The following HAGHL variants were observed in gnomAD, a reference collection of about 807,000 sequenced individuals.
HAGHL encodes hydroxyacylglutathione hydrolase like.
A neutral mutation model predicts 29.2 loss-of-function variants in HAGHL; 27 were observed. That is an observed-to-expected ratio of 0.92 (90% CI 0.68 to 1.27). HAGHL has a LOEUF of 1.27. Ranked by LOEUF, HAGHL falls within the 50% of genes most tolerant of loss-of-function variation. HAGHL has a pLI of 0.00. For missense variants in HAGHL, 529 were observed against 405.5 expected, an observed-to-expected ratio of 1.30 and a Z score of -2.62; for synonymous variants, 223 against 185.7, an observed-to-expected ratio of 1.20 and a Z score of -1.63.
chr16:728,408 AC>A lies in HAGHL; in HGVS notation c.384del (p.Ala129ProfsTer64). On this transcript the variant is annotated frameshift_variant, in exon 4 of 8. Transcript: ENST00000389703. LOFTEE classifies it high-confidence loss of function. ...TGTGGGAGGACGATTGCCCGGACCC[AC>A]CCGCCCTGTTCTCGGGTACCCGCAG... ...FLWEDDCPDP[P>X]ALFSGDALSV... 1 of 958,450 alleles carries A rather than the reference AC, an allele frequency of 1.0e-6. No homozygotes were observed. The highest frequency in any genetic ancestry group is 1.4e-6 in the Non-Finnish European group (1 of 707,026). 59.4% of individuals were successfully genotyped at this position (958,450 alleles called of 1,614,324 possible). A position where few individuals can be genotyped will look rare whatever the true frequency, so the allele number is the denominator to read the frequency against.
In HAGHL at chr16:729,285, C is replaced by A; in HGVS notation, c.681-3C>A. 1 of 1,521,100 alleles carries A rather than the reference C, an allele frequency of 6.6e-7. No homozygotes were observed. Among genetic ancestry groups the A allele is most frequent in the Admixed American group, 2.2e-5 (1 of 45,232 alleles). The allele number at this position is 1,521,100 out of a possible 1,614,324, so 94.2% of individuals were successfully genotyped here. A position where few individuals can be genotyped will look rare whatever the true frequency, so the allele number is the denominator to read the frequency against. On this transcript the variant is annotated splice_polypyrimidine_tract_variant and splice_region_variant and intron_variant, in intron 7 of 7. Coordinates refer to ENST00000389703, the MANE Select transcript of HAGHL (RefSeq NM_032304.4). ...CTGCGCCTCACTGCACCCCTCCCTGCAGAGAGGAGCCGGTGCGCAAGTTCA... is the reference window on the plus strand; with the variant it reads ...CTGCGCCTCACTGCACCCCTCCCTGAAGAGAGGAGCCGGTGCGCAAGTTCA...
chr16:727,725 G>T, intron 1 of HAGHL, 111 bp downstream of exon 1: 2 of 771,014 alleles, frequency 2.6e-6, no homozygotes, highest in South Asian at 1.7e-5. Flanking sequence ...AGTCATTGGC[G>T]GCTGGGGTTC....
Position 728,488 on chromosome 16 carries a change from C to T in HAGHL, c.398-16C>T. On this transcript the variant is annotated splice_polypyrimidine_tract_variant and intron_variant, in intron 4 of 7. Transcript: ENST00000389703. ...CGGCCCCGCCCCATCTGCTCTGACC[C>T]GCCCTCCCCCGCCAGGCGACGCGCT... is the stretch of plus-strand genomic sequence containing the variant. The T allele has an allele frequency of 6.6e-7, 1 of 1,523,070 alleles. No homozygotes were observed. The highest frequency in any genetic ancestry group is 8.8e-7 in the Non-Finnish European group (1 of 1,136,974). The allele number at this position is 1,523,070 out of a possible 1,614,324, so 94.3% of individuals were successfully genotyped here.
chr16:728,160 G>C lies in HAGHL; in HGVS notation c.215G>C (p.Gly72Ala). 6.8e-7 allele frequency: 1 copy of C among 1,469,196 alleles called. No individual in the cohort carries two copies. The highest frequency in any genetic ancestry group is 8.9e-7 in the Non-Finnish European group (1 of 1,119,006). The allele number at this position is 1,469,196 out of a possible 1,614,324, so 91.0% of individuals were successfully genotyped here. A position where few individuals can be genotyped will look rare whatever the true frequency, so the allele number is the denominator to read the frequency against. The change falls in exon 3 of 8, where the codon GGG (glycine) becomes GCG (alanine). Residue 72 changes from glycine to alanine, a missense_variant. Transcript: ENST00000389703. ...GNPELARLRPGLAVLGADERI... is the reference protein window; with the variant it reads ...GNPELARLRPALAVLGADERI... The stretch of plus-strand genomic sequence containing the variant: ...CCGGAGCTGGCGCGGCTTCGTCCCG[G>C]GCTGGCGGTGCTGGGCGCGGACGAG...
rs1227770871 is a variant in HAGHL at position 729,351 on chromosome 16, C to T, written c.744C>T (p.Cys248=). The T allele has an allele frequency of 4.6e-6, 7 of 1,533,380 alleles. No homozygotes were observed. Among genetic ancestry groups the T allele is most frequent in the Non-Finnish European group, 5.3e-6 (6 of 1,141,252 alleles). The allele number at this position is 1,533,380 out of a possible 1,614,324, so 95.0% of individuals were successfully genotyped here. Residue 248 remains cysteine, a synonymous_variant, in exon 8 of 8, where the codon TGC becomes TGT. Coordinates refer to ENST00000389703, the MANE Select transcript of HAGHL (RefSeq NM_032304.4). ...AVPADVLEAL[C]KERARFEQAG... Reference sequence around the variant, plus strand: ...CCGCCGACGTCCTGGAGGCGCTATGCAAGGAGCGGGCGCGCTTCGAACAGG... The same window carrying T: ...CCGCCGACGTCCTGGAGGCGCTATGTAAGGAGCGGGCGCGCTTCGAACAGG...
chr16:728,108 G>A lies in HAGHL; in HGVS notation c.171-8G>A. 2 of 1,459,602 alleles carry A rather than the reference G, an allele frequency of 1.4e-6. No homozygotes were observed. Among genetic ancestry groups the A allele is most frequent in the Admixed American group, 2.6e-5 (1 of 37,864 alleles). 90.4% of individuals were successfully genotyped at this position (1,459,602 alleles called of 1,614,324 possible). ...GACCTAACCCGGCCCCCGCCCGCCC[G>A]CCCGCAGGGACCACGCGCGGGGAAA... On this transcript the variant is annotated splice_region_variant and splice_polypyrimidine_tract_variant and intron_variant, in intron 2 of 7. Transcript: ENST00000389703.
chr16:727,804 G>A, intron 1 of HAGHL, 161 bp from the exon 2 acceptor site: 1 of 801,542 alleles, frequency 1.2e-6, no homozygotes, highest in East Asian at 2.8e-5. Flanking sequence ...CTGCCTGGCG[G>A]TCCCTGCACG....
Position 729,308 on chromosome 16 carries a change from T to C in HAGHL, c.701T>C (p.Phe234Ser). 1 of 1,531,376 alleles carries C rather than the reference T, an allele frequency of 6.5e-7. No homozygotes were observed. The highest frequency in any genetic ancestry group is 8.8e-7 in the Non-Finnish European group (1 of 1,139,724). The allele number at this position is 1,531,376 out of a possible 1,614,324, so 94.9% of individuals were successfully genotyped here. ...LRVAEEPVRKFTGKAVPADVL... is the reference protein window; with the variant it reads ...LRVAEEPVRKSTGKAVPADVL... ...TGCAGAGAGGAGCCGGTGCGCAAGT[T>C]CACGGGCAAGGCGGTCCCCGCCGAC... Residue 234 changes from phenylalanine to serine, a missense_variant, in exon 8 of 8, where the codon TTC (phenylalanine) becomes TCC (serine). Phe to Ser is a radical substitution (Grantham distance 155). Coordinates refer to ENST00000389703, the MANE Select transcript of HAGHL (RefSeq NM_032304.4).
chr16:728,644 C>A, intron 5 of HAGHL, 40 bp downstream of exon 5: 1 of 1,313,372 alleles, frequency 7.6e-7, no homozygotes, highest in Non-Finnish European at 1.0e-6. Context: ...CCCGTGGGCA[C>A]AGCCCCCACG....
Position 729,311 on chromosome 16 carries a change from C to T in HAGHL, c.704C>T (p.Thr235Met), listed in dbSNP as rs2041232005. ...RVAEEPVRKFTGKAVPADVLE... is the reference protein window; with the variant it reads ...RVAEEPVRKFMGKAVPADVLE... Reference sequence around the variant, plus strand: ...AGAGAGGAGCCGGTGCGCAAGTTCACGGGCAAGGCGGTCCCCGCCGACGTC... The same window carrying T: ...AGAGAGGAGCCGGTGCGCAAGTTCATGGGCAAGGCGGTCCCCGCCGACGTC... Residue 235 changes from threonine to methionine, a missense_variant, in exon 8 of 8, where the codon ACG (threonine) becomes ATG (methionine). Coordinates refer to ENST00000389703, the MANE Select transcript of HAGHL (RefSeq NM_032304.4). The T allele has an allele frequency of 6.5e-7, 1 of 1,529,176 alleles. No individual in the cohort carries two copies. Among genetic ancestry groups the T allele is most frequent in the Non-Finnish European group, 8.8e-7 (1 of 1,138,676 alleles). The allele number at this position is 1,529,176 out of a possible 1,614,324, so 94.7% of individuals were successfully genotyped here.
intron 7 of HAGHL, 24 bp from the exon 8 acceptor site, chr16:729,264 G>A (rs2041230233): frequency 6.6e-7 from 1 of 1,518,700 alleles, no homozygotes; most frequent in Non-Finnish European, 8.8e-7. Context: ...CGGGCCCTGC[G>A]CCTCACTGCA....
In HAGHL at chr16:729,587, G is replaced by A. The variant is rs1215184355; in HGVS notation, c.*131G>A. On this transcript the variant is annotated 3_prime_UTR_variant, in exon 8 of 8. Coordinates refer to ENST00000389703, the MANE Select transcript of HAGHL (RefSeq NM_032304.4). ...AGCCATCTGCCCAGCCTCGGAGGGTGGGCAACCTGGTGCTTCCCGGGTGGA... is the reference window on the plus strand; with the variant it reads ...AGCCATCTGCCCAGCCTCGGAGGGTAGGCAACCTGGTGCTTCCCGGGTGGA... 4 of 1,530,852 alleles carry A rather than the reference G, an allele frequency of 2.6e-6. No homozygotes were observed. In the African/African-American group the frequency reaches 5.5e-5, roughly 21 times the overall value. The allele number at this position is 1,530,852 out of a possible 1,614,324, so 94.8% of individuals were successfully genotyped here. A position where few individuals can be genotyped will look rare whatever the true frequency, so the allele number is the denominator to read the frequency against.
chr16:728,756 C>A, intron 5 of HAGHL, 38 bp from the exon 6 acceptor site: 1 of 1,596,780 alleles, frequency 6.3e-7, no homozygotes, highest in Non-Finnish European at 8.6e-7. Context: ...TCCCCGCTTC[C>A]TGGCCGCGTG....
In HAGHL at chr16:728,005, C is replaced by A. The variant is rs1225394671; in HGVS notation, c.146C>A (p.Ala49Asp). The A allele has an allele frequency of 6.2e-7, 1 of 1,604,836 alleles. No homozygotes were observed. The highest frequency in any genetic ancestry group is 8.5e-7 in the Non-Finnish European group (1 of 1,177,186). Residue 49 changes from alanine (A) to aspartate (D), a missense_variant, in exon 2 of 8, where the codon GCT becomes GAT. Ala to Asp is a moderately radical substitution (Grantham distance 126). Transcript: ENST00000389703. ...IVGREGVSLT[A>D]VLTTHHHWDH... ...GGCCGGGAGGGGGTGTCTCTGACCG[C>A]TGTGCTGACCACCCACCATCACTGG...
intron 5 of HAGHL, 79 bp from the exon 6 acceptor site, chr16:728,715 A>T: frequency 7.3e-7 from 1 of 1,374,360 alleles, no homozygotes; most frequent in Admixed American, 1.8e-5. Context: ...CAGACCGGGC[A>T]GGGGAGGCCA....
In HAGHL at chr16:729,416, C is replaced by CGCT. The variant is rs763451434; in HGVS notation, c.812_814dup (p.Leu271dup). 1.5e-4 allele frequency: 237 copies of CGCT among 1,532,130 alleles called. No homozygotes were observed. The African/African-American group carries it at 3.0e-3, about 19-fold the overall frequency. 94.9% of individuals were successfully genotyped at this position (1,532,130 alleles called of 1,614,324 possible). On this transcript the variant is annotated inframe_insertion, in exon 8 of 8. Transcript: ENST00000389703. ...CAGCCACAGGCGCGGGCCCTCCTTG[C>CGCT]GCTGCAGTGGGGGCTCCTGAGTGCA...
Position 728,181 on chromosome 16 carries a change from A to G in HAGHL, c.236A>G (p.Asp79Gly). The change falls in exon 3 of 8, where the codon GAC (aspartate) becomes GGC (glycine). Residue 79 changes from aspartate to glycine, a missense_variant. Transcript: ENST00000389703. ...CCCGGGCTGGCGGTGCTGGGCGCGG[A>G]CGAGCGCATCTTCTCGCTGACGCGC... ...LRPGLAVLGA[D>G]ERIFSLTRRL... 1 of 1,459,012 alleles carries G rather than the reference A, an allele frequency of 6.9e-7. No individual in the cohort carries two copies. The highest frequency in any genetic ancestry group is 2.7e-5 in the Admixed American group (1 of 36,842). 90.4% of individuals were successfully genotyped at this position (1,459,012 alleles called of 1,614,324 possible). A position where few individuals can be genotyped will look rare whatever the true frequency, so the allele number is the denominator to read the frequency against.
In HAGHL at chr16:727,554, C is replaced by T. The variant is rs751531291; in HGVS notation, c.45C>T (p.Tyr15=). The T allele has an allele frequency of 1.2e-6, 2 of 1,612,006 alleles. No homozygotes were observed. The highest frequency in any genetic ancestry group is 2.2e-5 in the East Asian group (1 of 44,844). The change falls in exon 1 of 8, where the codon TAC becomes TAT. Residue 15 remains tyrosine (Y), a synonymous_variant. Coordinates refer to ENST00000389703, the MANE Select transcript of HAGHL (RefSeq NM_032304.4). ...VIPVLEDNYM[Y]LVIEELTREA... ...CCGTGCTCGAGGACAACTACATGTACCTGGTCATCGAGGAGCTCACGCGCG... is the reference window on the plus strand; with the variant it reads ...CCGTGCTCGAGGACAACTACATGTATCTGGTCATCGAGGAGCTCACGCGCG...
In HAGHL at chr16:729,600, C is replaced by A; in HGVS notation, c.*144C>A. On this transcript the variant is annotated 3_prime_UTR_variant, in exon 8 of 8. Transcript: ENST00000389703. ...GCCTCGGAGGGTGGGCAACCTGGTG[C>A]TTCCCGGGTGGACACACAGGACCAC... 1 of 1,530,096 alleles carries A rather than the reference C, an allele frequency of 6.5e-7. No individual in the cohort carries two copies. Among genetic ancestry groups the A allele is most frequent in the Non-Finnish European group, 8.7e-7 (1 of 1,144,668 alleles). 94.8% of individuals were successfully genotyped at this position (1,530,096 alleles called of 1,614,324 possible).
Sources: allele counts gnomAD v4.1 joint callset, GRCh38; gene constraint gnomAD v4.1.1; transcripts MANE v1.5; gene names NCBI Gene and HGNC (gene_info 2026-07-23, HGNC 2026-07-21).